The following ACADSB variants were observed in gnomAD, a reference collection of about 807,000 sequenced individuals.
ACADSB encodes acyl-CoA dehydrogenase short/branched chain.
ACADSB carries 40 observed loss-of-function variants against 54.1 expected under a neutral mutation model. The observed-to-expected ratio is 0.74, with a 90% CI of 0.57 to 0.96. The LOEUF (loss-of-function observed/expected upper bound fraction) is 0.96, where lower values mean the gene tolerates loss of function less well. Ranked by LOEUF, ACADSB falls within the 40% of genes least tolerant of loss-of-function variation. ACADSB has a pLI of 0.00. For missense variants in ACADSB, 530 were observed against 510.4 expected (o/e 1.04, Z -0.37); for synonymous variants, 182 against 182.8 (o/e 1.00, Z 0.03).
At position 123,041,337 on chromosome 10, in the gene ACADSB, C is replaced by G. The variant is rs1140591; in HGVS notation, c.639C>G (p.His213Gln). The G allele has an allele frequency of 1.9e-6, 3 of 1,613,932 alleles. No homozygotes were observed. The highest frequency in any genetic ancestry group is 1.7e-6 in the Non-Finnish European group (2 of 1,179,964). The change falls in exon 5 of 11, where the codon CAC becomes CAG. Residue 213 changes from histidine to glutamine, a missense_variant. His to Gln is a conservative substitution (Grantham distance 24). Coordinates refer to ENST00000358776, the MANE Select transcript of ACADSB (RefSeq NM_001609.4). Reference sequence around the variant, plus strand: ...AGATGTGGATCAGCAGTGCTGAGCACGCAGGGCTCTTTCTGGTGATGGCAA... The same window carrying G: ...AGATGTGGATCAGCAGTGCTGAGCAGGCAGGGCTCTTTCTGGTGATGGCAA... The part of the protein sequence containing the change: ...GSKMWISSAE[H>Q]AGLFLVMANV...
At chr10:123,010,920 T>A (rs2133450783) in intron 1 of ACADSB, among the ~76,000 whole-genome samples, 1 of 152,206 alleles carries the variant, frequency 6.6e-6, no homozygotes, top group East Asian at 1.9e-4. Flanking sequence ...AAGATAGAAA[T>A]GACTAGGACC....
chr10:123,054,059 C>A lies in ACADSB; in HGVS notation c.*294C>A, dbSNP rs1850671589. On this transcript the variant is annotated 3_prime_UTR_variant, in exon 11 of 11. Transcript: ENST00000358776. Reference sequence around the variant, plus strand: ...ATATATATATTTTTACTCTGTCTTACTCTGTCACCCAGGCTAGAGTGCAGT... The same window carrying A: ...ATATATATATTTTTACTCTGTCTTAATCTGTCACCCAGGCTAGAGTGCAGT... 2 of 414,376 alleles carry A rather than the reference C, an allele frequency of 4.8e-6. No individual in the cohort carries two copies. Among genetic ancestry groups the A allele is most frequent in the Non-Finnish European group, 8.9e-6 (2 of 223,764 alleles). The allele number at this position is 414,376 out of a possible 1,614,324, so 25.7% of individuals were successfully genotyped here.
intron 1 of ACADSB, among the ~76,000 whole-genome samples, chr10:123,031,106 C>T (rs1290763508): frequency 6.6e-6 from 1 of 152,164 alleles, no homozygotes; most frequent in Non-Finnish European, 1.5e-5. Context: ...GATATTTGCA[C>T]CAAATCAATG....
chr10:123,041,129 TG>T (rs1240867600), intron 4 of ACADSB, 79 bp from the exon 5 acceptor site: 1 of 1,430,888 alleles, frequency 7.0e-7, no homozygotes, highest in African/African-American at 1.4e-5. Context: ...GATTTACAAA[TG>T]TCCATTTTTC....
At position 123,043,150 on chromosome 10, in the gene ACADSB, G is replaced by A. The variant is rs76111609; in HGVS notation, c.786G>A (p.Pro262=). 1,220 of 1,613,770 alleles carry A rather than the reference G, an allele frequency of 7.6e-4. 4 individuals carry two copies. The African/African-American group carries it at 0.013, about 17-fold the overall frequency. The change falls in exon 6 of 11, where the codon CCG becomes CCA. Residue 262 remains proline, a synonymous_variant. Coordinates refer to ENST00000358776, the MANE Select transcript of ACADSB (RefSeq NM_001609.4). ...GGCTCAGAGCTTCTTCCACCTGCCC[G>A]TTAACATTCGAAAATGTCAAGGTGG... ...KLGLRASSTC[P]LTFENVKVPE...
intron 1 of ACADSB, among the ~76,000 whole-genome samples, chr10:123,014,701 A>G (rs1022132939): frequency 3.3e-5 from 5 of 152,258 alleles, no homozygotes; most frequent in Non-Finnish European, 5.9e-5. Context: ...GAACAGTAGA[A>G]GATAGCATGT....
At chr10:123,031,522 C>G (rs138192374) in intron 1 of ACADSB, among the ~76,000 whole-genome samples, 101 of 152,270 alleles carry the variant, frequency 6.6e-4, no homozygotes, top group African/African-American at 2.4e-3. Context: ...GCTGCAAAGG[C>G]TGAGGTCAAC....
rs1399617395 is a variant in ACADSB, at chr10:123,028,013, A to T, written c.43-6343A>T. Among the ~76,000 whole-genome samples, 3 of 152,096 alleles carry T rather than the reference A, an allele frequency of 2.0e-5. No individual in the cohort carries two copies. In the South Asian group the frequency reaches 6.2e-4, roughly 32 times the overall value. On this transcript the variant is annotated intron_variant, in intron 1 of 10. Coordinates refer to ENST00000358776, the MANE Select transcript of ACADSB (RefSeq NM_001609.4). ...AAGTGTCCACTTCTTATAATAATTA[A>T]GTCCTTACTCCTCAGTCCCAGCACT...
Position 123,051,043 on chromosome 10 carries a change from T to C in ACADSB, c.991-6T>C, listed in dbSNP as rs771062697. 5.0e-6 allele frequency: 8 copies of C among 1,611,682 alleles called. No individual in the cohort carries two copies. The highest frequency in any genetic ancestry group is 6.8e-6 in the Non-Finnish European group (8 of 1,179,588). ...TAATTCTCTAACTTGGGCCTGACTG[T>C]TACAGGGCCTCCAACACCAAGTGGC... On this transcript the variant is annotated splice_region_variant and splice_polypyrimidine_tract_variant and intron_variant, in intron 8 of 10. Coordinates refer to ENST00000358776, the MANE Select transcript of ACADSB (RefSeq NM_001609.4).
chr10:123,041,363 A>G lies in ACADSB; in HGVS notation c.665A>G (p.Asn222Ser). The change falls in exon 5 of 11, where the codon AAT becomes AGT. Residue 222 changes from asparagine to serine, a missense_variant. Transcript: ENST00000358776. ...GCAGGGCTCTTTCTGGTGATGGCAAATGTAGACCCTACCATTGTAAGTTTG... is the reference window on the plus strand; with the variant it reads ...GCAGGGCTCTTTCTGGTGATGGCAAGTGTAGACCCTACCATTGTAAGTTTG... ...EHAGLFLVMA[N>S]VDPTIGYKGI... 1 of 1,614,184 alleles carries G rather than the reference A, an allele frequency of 6.2e-7. No homozygotes were observed. The highest frequency in any genetic ancestry group is 8.5e-7 in the Non-Finnish European group (1 of 1,180,014).
At chr10:123,042,546 C>T (rs1197544572) in intron 5 of ACADSB, among the ~76,000 whole-genome samples, 1 of 150,498 alleles carries the variant, frequency 6.6e-6, no homozygotes, top group Non-Finnish European at 1.5e-5. Context: ...CTGCAACCTC[C>T]GCCTTCTGGG....
At chr10:123,012,550 C>T (rs1475466697) in intron 1 of ACADSB, among the ~76,000 whole-genome samples, 1 of 152,038 alleles carries the variant, frequency 6.6e-6, no homozygotes, top group African/African-American at 2.4e-5. Flanking sequence ...TTCTGATGTT[C>T]GGATGTGTTC....
At position 123,054,914 on chromosome 10, in the gene ACADSB, G is replaced by T. The variant is rs1433424649; in HGVS notation, c.*1149G>T. Reference sequence around the variant, plus strand: ...GCACTTTATCCTGAATAATAATTCAGAAATTGGGTTTTGGTTCAGTGATTC... The same window carrying T: ...GCACTTTATCCTGAATAATAATTCATAAATTGGGTTTTGGTTCAGTGATTC... On this transcript the variant is annotated 3_prime_UTR_variant, in exon 11 of 11. Coordinates refer to ENST00000358776, the MANE Select transcript of ACADSB (RefSeq NM_001609.4). 1 of 152,180 alleles carries T rather than the reference G, an allele frequency of 6.6e-6. No individual in the cohort carries two copies. Among genetic ancestry groups the T allele is most frequent in the East Asian group, 1.9e-4 (1 of 5,206 alleles). 9.4% of individuals were successfully genotyped at this position (152,180 alleles called of 1,614,324 possible). A position where few individuals can be genotyped will look rare whatever the true frequency, so the allele number is the denominator to read the frequency against.
At chr10:123,050,070 G>C (rs997072618) in intron 8 of ACADSB, among the ~76,000 whole-genome samples, 1 of 152,158 alleles carries the variant, frequency 6.6e-6, no homozygotes, top group Non-Finnish European at 1.5e-5. Context: ...ATACGAAATT[G>C]TTGTGTGTAT....
intron 1 of ACADSB, among the ~76,000 whole-genome samples, chr10:123,017,078 A>G (rs756942870): frequency 2.0e-5 from 3 of 152,180 alleles, no homozygotes; most frequent in Non-Finnish European, 4.4e-5. Flanking sequence ...TCTTCTGACT[A>G]TCTTCCCTGA....
rs77897034 is a variant in ACADSB, at chr10:123,030,593, T to G, written c.43-3763T>G. On this transcript the variant is annotated intron_variant, in intron 1 of 10. Coordinates refer to ENST00000358776, the MANE Select transcript of ACADSB (RefSeq NM_001609.4). ...TCTCCCCACAACCTTTCCTAACTCT[T>G]AAGGGTCAAGTAGTTGGGGAGAAGC... is the stretch of plus-strand genomic sequence containing the variant. Among the ~76,000 whole-genome samples, 156 of 152,094 alleles carry G rather than the reference T, an allele frequency of 1.0e-3. 2 individuals are homozygous for G. In the East Asian group the frequency reaches 0.026, roughly 25 times the overall value.
intron 1 of ACADSB, among the ~76,000 whole-genome samples, chr10:123,032,816 C>T (rs529919798): frequency 2.0e-5 from 3 of 151,910 alleles, no homozygotes; most frequent in Admixed American, 6.6e-5. Flanking sequence ...CTTGAACTCC[C>T]GACCTCAGAT....
chr10:123,049,618 A>G (rs1277522600), intron 8 of ACADSB, among the ~76,000 whole-genome samples: 1 of 152,240 alleles, frequency 6.6e-6, no homozygotes, highest in Non-Finnish European at 1.5e-5. Context: ...GATGGAACAA[A>G]ACAGAAAAGC....
At position 123,057,919 on chromosome 10, in the gene ACADSB, T is replaced by C. The variant is rs937423564; in HGVS notation, c.*4154T>C. ...CCTTTCGACAAATTTTGGATTTCAT[T>C]CTTGTTATATTTCAGTACTCTTGCT... On this transcript the variant is annotated 3_prime_UTR_variant, in exon 11 of 11. Coordinates refer to ENST00000358776, the MANE Select transcript of ACADSB (RefSeq NM_001609.4). 3.9e-5 allele frequency: 6 copies of C among 152,208 alleles called. No individual in the cohort carries two copies. The highest frequency in any genetic ancestry group is 1.4e-4 in the African/African-American group (6 of 41,460). 9.4% of individuals were successfully genotyped at this position (152,208 alleles called of 1,614,324 possible). A position where few individuals can be genotyped will look rare whatever the true frequency, so the allele number is the denominator to read the frequency against.
Sources: gnomAD v4.1 joint callset for allele counts (sites outside exome capture counted in the v4.1 genomes callset) on GRCh38, gnomAD v4.1.1 for gene constraint, MANE v1.5 for transcripts, NCBI Gene and HGNC (gene_info 2026-07-23, HGNC 2026-07-21) for gene names.